MYO1H: variants seen among roughly 807,000 people sequenced by gnomAD.
MYO1H encodes the protein myosin IH.
MYO1H carries 118 observed loss-of-function variants against 149.3 expected under a neutral mutation model. That is an observed-to-expected ratio of 0.79 (90% CI 0.68 to 0.92). MYO1H has a LOEUF of 0.92. Among genes scored for constraint, MYO1H ranks in the 40% least tolerant of loss-of-function variants. The pLI, the probability that MYO1H is intolerant of heterozygous loss-of-function variation, is 0.00. For missense variants in MYO1H, 1,212 were observed against 1,280.7 expected (o/e 0.95, Z 0.82); for synonymous variants, 447 against 465.2 (o/e 0.96, Z 0.50).
intron 5 of MYO1H, among the ~76,000 whole-genome samples, chr12:109,398,607 A>G (rs923499446): frequency 1.3e-5 from 2 of 151,648 alleles, no homozygotes; most frequent in Non-Finnish European, 2.9e-5. Flanking sequence ...AAAATTAGCC[A>G]TGCATGGTGG....
At chr12:109,434,947 G>T in intron 20 of MYO1H, 90 bp from the exon 21 acceptor site, 1 of 710,136 alleles carries the variant, frequency 1.4e-6, no homozygotes, top group South Asian at 1.9e-5. Flanking sequence ...GAGGTTCTGA[G>T]TGGAAATGAA....
At chr12:109,367,783 A>C (rs1868897457) in intron 1 of MYO1H, among the ~76,000 whole-genome samples, 1 of 152,060 alleles carries the variant, frequency 6.6e-6, no homozygotes, top group South Asian at 2.1e-4. Context: ...CGATCTCCTG[A>C]CCTCATGATC....
intron 1 of MYO1H, among the ~76,000 whole-genome samples, chr12:109,368,580 C>T (rs186214450): frequency 2.8e-5 from 4 of 143,716 alleles, no homozygotes; most frequent in African/African-American, 1.0e-4. Context: ...TGCTTGAACC[C>T]GAGAGGTGGA....
At chr12:109,439,753 A>G in exon 24 of MYO1H, 2 of 1,614,000 alleles carry the variant, frequency 1.2e-6, no homozygotes, top group Non-Finnish European at 1.7e-6. Context: ...ACTGTCCTGG[A>G]CAAGAGCTGG....
At chr12:109,397,640 C>T in intron 4 of MYO1H, 92 bp from the exon 5 acceptor site, 2 of 969,582 alleles carry the variant, frequency 2.1e-6, no homozygotes, top group Admixed American at 3.0e-5. Flanking sequence ...GCTCTCTCTC[C>T]TCCATTTTTG....
chr12:109,441,196 G>A (rs1414375146), intron 25 of MYO1H, among the ~76,000 whole-genome samples: 1 of 152,204 alleles, frequency 6.6e-6, no homozygotes. Flanking sequence ...GCCTTTCTCT[G>A]TTGGAATTAC....
intron 1 of MYO1H, among the ~76,000 whole-genome samples, chr12:109,354,729 A>G (rs1461752867): frequency 8.5e-5 from 13 of 152,196 alleles, no homozygotes; most frequent in Admixed American, 7.2e-4. Flanking sequence ...GAATGTTTCC[A>G]GTAAACATAG....
chr12:109,405,350 C>T (rs919559886), intron 7 of MYO1H, among the ~76,000 whole-genome samples: 3 of 152,118 alleles, frequency 2.0e-5, no homozygotes, highest in Non-Finnish European at 4.4e-5. Flanking sequence ...CTTGCTCTGT[C>T]GCCAGGCAGG....
intron 1 of MYO1H, among the ~76,000 whole-genome samples, chr12:109,367,431 A>G (rs1238232979): frequency 6.6e-6 from 1 of 152,206 alleles, no homozygotes; most frequent in Non-Finnish European, 1.5e-5. Flanking sequence ...AATTTTTTAA[A>G]AGACCCATAA....
At chr12:109,327,739 C>CAAAAAAAAAA in the MYO1H span, among the ~76,000 whole-genome samples, 5 of 85,648 alleles carry the variant, frequency 5.8e-5, no homozygotes, top group Non-Finnish European at 1.1e-4. Flanking sequence ...AAAACTGTCT[C>CAAAAAAAAAA]AAAAAAAAAA....
chr12:109,353,009 G>A (rs1292114040), intron 1 of MYO1H, among the ~76,000 whole-genome samples: 1 of 152,084 alleles, frequency 6.6e-6, no homozygotes, highest in African/African-American at 2.4e-5. Flanking sequence ...TTTTAGTAGA[G>A]TCTTCAAGTG....
chr12:109,314,365 C>T, the MYO1H span, among the ~76,000 whole-genome samples: 5 of 152,124 alleles, frequency 3.3e-5, no homozygotes, highest in Non-Finnish European at 7.3e-5. Flanking sequence ...AAAGACATAA[C>T]AAATTGGCAT....
At chr12:109,332,658 G>A in the MYO1H span, among the ~76,000 whole-genome samples, 4 of 152,226 alleles carry the variant, frequency 2.6e-5, no homozygotes, top group African/African-American at 9.6e-5. Flanking sequence ...GCACACTGCA[G>A]CCTCAAACTC....
chr12:109,314,096 A>G, the MYO1H span, among the ~76,000 whole-genome samples: 4 of 151,820 alleles, frequency 2.6e-5, no homozygotes, highest in African/African-American at 9.7e-5. Flanking sequence ...TATTGCCTAG[A>G]CTGGTCTAGA....
At chr12:109,386,051 C>A (rs962208633) in intron 1 of MYO1H, among the ~76,000 whole-genome samples, 4 of 152,164 alleles carry the variant, frequency 2.6e-5, no homozygotes, top group Non-Finnish European at 5.9e-5. Context: ...AACAATTGTT[C>A]TGATTTTTCA....
chr12:109,351,699 CT>C lies in MYO1H; in HGVS notation c.12+3728del, dbSNP rs374573799. On this transcript the variant is annotated intron_variant, in intron 1 of 31. Transcript: ENST00000310903. ...AAAAATAAGAAGAAAGCCCCCATGG[CT>C]AGGATGATTGCAATCACATTTATGT... 3.2e-4 allele frequency among the ~76,000 whole-genome samples: 48 copies of C among 152,328 alleles called. No homozygotes were observed. In the East Asian group the frequency reaches 5.4e-3, roughly 17 times the overall value.
intron 1 of MYO1H, among the ~76,000 whole-genome samples, chr12:109,356,442 C>T (rs1430653272): frequency 6.6e-6 from 1 of 152,004 alleles, no homozygotes; most frequent in East Asian, 1.9e-4. Flanking sequence ...AGGTAAACAA[C>T]TTCAAAGAAC....
intron 20 of MYO1H, among the ~76,000 whole-genome samples, chr12:109,434,351 G>A (rs1871768170): frequency 6.6e-6 from 1 of 152,238 alleles, no homozygotes; most frequent in Middle Eastern, 3.4e-3. Context: ...TTGTCTGGCT[G>A]GGCGTGGTGG....
intron 2 of MYO1H, among the ~76,000 whole-genome samples, chr12:109,389,845 T>C (rs182033604): frequency 0.058 from 8,892 of 152,226 alleles, 848 homozygotes; most frequent in African/African-American, 0.2. Flanking sequence ...GTAATGCTGC[T>C]CGTGACTTAA....
Sources: allele counts gnomAD v4.1 joint callset (sites outside exome capture counted in the v4.1 genomes callset), GRCh38; gene constraint gnomAD v4.1.1; transcripts MANE v1.5; gene names NCBI Gene and HGNC (gene_info 2026-07-23, HGNC 2026-07-21).